The following HLCS variants were observed in gnomAD, a reference collection of about 807,000 sequenced individuals.
HLCS encodes biotin--protein ligase.
A neutral mutation model predicts 75.0 loss-of-function variants in HLCS; 53 were observed. The ratio of observed to expected loss-of-function variants is 0.71; its 90% CI spans 0.57 to 0.89. The LOEUF (loss-of-function observed/expected upper bound fraction) is 0.89. Among genes scored for constraint, HLCS ranks in the 40% least tolerant of loss-of-function variants. HLCS has a pLI of 0.00. For synonymous variants in HLCS, 431 were observed against 428.6 expected (o/e 1.01, Z -0.07); for missense variants, 966 against 1,074.0 (o/e 0.90, Z 1.41).
chr21:36,900,957 T>C (rs2065212569), intron 5 of HLCS, among the ~76,000 whole-genome samples: 1 of 152,098 alleles, frequency 6.6e-6, no homozygotes, highest in Non-Finnish European at 1.5e-5. Context: ...AAGCTTGAGA[T>C]ATCTATTAAA....
At chr21:36,973,227 C>CTTTTTTTTTTTTTTTTT (rs11327894) in intron 1 of HLCS, among the ~76,000 whole-genome samples, 2 of 91,070 alleles carry the variant, frequency 2.2e-5, no homozygotes. Context: ...AAGACCCTGT[C>CTTTTTTTTTTTTTTTTT]TTTTTTTTTT....
intron 6 of HLCS, among the ~76,000 whole-genome samples, chr21:36,774,123 G>A (rs1051220678): frequency 3.3e-5 from 5 of 152,126 alleles, no homozygotes; most frequent in African/African-American, 7.2e-5. Flanking sequence ...GCTGTGCAAC[G>A]CATGGGGACA....
intron 5 of HLCS, among the ~76,000 whole-genome samples, chr21:36,920,564 T>G (rs563996431): frequency 6.6e-6 from 1 of 152,238 alleles, no homozygotes; most frequent in Non-Finnish European, 1.5e-5. Context: ...AGAAGATAGG[T>G]ACCCCATTTT....
At chr21:36,929,755 G>A (rs1040101860) in intron 5 of HLCS, among the ~76,000 whole-genome samples, 2 of 152,216 alleles carry the variant, frequency 1.3e-5, no homozygotes, top group Non-Finnish European at 2.9e-5. Flanking sequence ...TCAATCACAG[G>A]CAGCAAGTGC....
chr21:36,768,001 A>G (rs1440790202), intron 6 of HLCS, among the ~76,000 whole-genome samples: 1 of 152,006 alleles, frequency 6.6e-6, no homozygotes, highest in African/African-American at 2.4e-5. Context: ...AAAAAAGGAA[A>G]GAAAAAAAAA....
At chr21:36,832,545 A>G (rs73902742) in intron 6 of HLCS, among the ~76,000 whole-genome samples, 1 of 152,166 alleles carries the variant, frequency 6.6e-6, no homozygotes, top group Non-Finnish European at 1.5e-5. Flanking sequence ...TTCACTTTAC[A>G]GCCATTGCTC....
At chr21:36,809,328 G>A (rs1453095132) in intron 6 of HLCS, among the ~76,000 whole-genome samples, 1 of 152,128 alleles carries the variant, frequency 6.6e-6, no homozygotes, top group African/African-American at 2.4e-5. Context: ...CCATTAACTG[G>A]ATTATTACTG....
Position 36,842,781 on chromosome 21 carries a change from T to A in HLCS, c.1892+54079A>T, listed in dbSNP as rs908844351. ...ACAACCAAAAAAACTATCTTTATTA[T>A]TGATAAAACAATTCAAGGCCACGAA... On this transcript the variant is annotated intron_variant, in intron 6 of 10. Coordinates refer to ENST00000674895, the MANE Select transcript of HLCS (RefSeq NM_001352514.2). The surrounding 1 kb of genome is among the most constrained non-coding windows in gnomAD (Gnocchi z 4.2). Among the ~76,000 whole-genome samples, 1 of 152,124 alleles carries A rather than the reference T, an allele frequency of 6.6e-6. No homozygotes were observed. Among genetic ancestry groups the A allele is most frequent in the East Asian group, 1.9e-4 (1 of 5,196 alleles).
At chr21:36,844,735 G>A (rs1014391927) in intron 6 of HLCS, among the ~76,000 whole-genome samples, 7 of 151,186 alleles carry the variant, frequency 4.6e-5, no homozygotes, top group Admixed American at 4.6e-4. Context: ...TCCTGTGTAA[G>A]AAAATATATT....
chr21:36,900,595 T>C (rs950842509), intron 5 of HLCS, among the ~76,000 whole-genome samples: 1 of 152,148 alleles, frequency 6.6e-6, no homozygotes, highest in Admixed American at 6.5e-5. Flanking sequence ...GTCCTACCTC[T>C]GTTGGAGCAG....
At chr21:36,837,177 C>G (rs139199455) in intron 6 of HLCS, among the ~76,000 whole-genome samples, 1 of 152,042 alleles carries the variant, frequency 6.6e-6, no homozygotes, top group Non-Finnish European at 1.5e-5. Flanking sequence ...AGCAAGAGTC[C>G]GTCTCAAAAA....
chr21:36,758,958 C>T (rs568603075), intron 9 of HLCS, among the ~76,000 whole-genome samples: 6 of 150,874 alleles, frequency 4.0e-5, no homozygotes, highest in South Asian at 4.2e-4. Context: ...CATTCCAGCC[C>T]GGGCAACAGT....
At chr21:36,965,944 G>A (rs1325650691) in intron 1 of HLCS, among the ~76,000 whole-genome samples, 2 of 131,428 alleles carry the variant, frequency 1.5e-5, no homozygotes, top group East Asian at 4.7e-4. Context: ...GTTTTTTGTA[G>A]AGAGGGGTCT....
chr21:36,776,077 C>CA (rs2145815584), intron 6 of HLCS, among the ~76,000 whole-genome samples: 1 of 152,332 alleles, frequency 6.6e-6, no homozygotes, highest in African/African-American at 2.4e-5. Flanking sequence ...AAATTCAAAT[C>CA]ATGTTCTGGT....
At chr21:36,977,208 G>A (rs1200556836) in intron 1 of HLCS, among the ~76,000 whole-genome samples, 3 of 152,046 alleles carry the variant, frequency 2.0e-5, no homozygotes, top group Admixed American at 2.0e-4. Context: ...GCAGAGGGGA[G>A]TGGTCCTTTA....
At chr21:36,919,369 T>C (rs922380681) in intron 5 of HLCS, among the ~76,000 whole-genome samples, 2 of 152,248 alleles carry the variant, frequency 1.3e-5, no homozygotes, top group Non-Finnish European at 2.9e-5. Flanking sequence ...AATTAAGTCA[T>C]ATGCCATGGT....
chr21:36,840,430 T>G (rs1250629042), intron 6 of HLCS, among the ~76,000 whole-genome samples: 1 of 152,170 alleles, frequency 6.6e-6, no homozygotes, highest in African/African-American at 2.4e-5. Context: ...TGAAGAAATT[T>G]TATAGTAATG....
At chr21:36,936,368 G>A (rs962861882) in intron 4 of HLCS, 81 bp downstream of exon 4, 9 of 1,231,992 alleles carry the variant, frequency 7.3e-6, no homozygotes, top group South Asian at 2.4e-5. Context: ...ACTTTTAAGC[G>A]TGTACCTTTA....
intron 6 of HLCS, among the ~76,000 whole-genome samples, chr21:36,859,329 G>A (rs958657521): frequency 2.6e-5 from 4 of 152,194 alleles, no homozygotes; most frequent in Non-Finnish European, 5.9e-5. Context: ...CCAGCTTGGA[G>A]TTTTTTGTCT....
Sources: gnomAD v4.1 joint callset for allele counts (sites outside exome capture counted in the v4.1 genomes callset) on GRCh38, gnomAD v4.1.1 for gene constraint, Gnocchi (gnomAD v3.1) non-coding constraint, MANE v1.5 for transcripts, NCBI Gene and HGNC (gene_info 2026-07-23, HGNC 2026-07-21) for gene names.